The following TESK2 variants were observed in gnomAD, a reference collection of about 807,000 sequenced individuals.
TESK2 encodes dual specificity testis-specific protein kinase 2.
In TESK2, 39 loss-of-function variants were observed where a neutral mutation model predicts 57.1. The observed-to-expected ratio is 0.68, with a 90% confidence interval of 0.53 to 0.89. The LOEUF (loss-of-function observed/expected upper bound fraction) is 0.89, where lower values mean the gene tolerates loss of function less well. Ranked by LOEUF, TESK2 falls within the 40% of genes least tolerant of loss-of-function variation. TESK2 has a pLI of 0.00. For missense variants in TESK2, 646 were observed against 732.1 expected, an observed-to-expected ratio of 0.88 and a Z score of 1.36; for synonymous variants, 249 against 267.9, an observed-to-expected ratio of 0.93 and a Z score of 0.69.
At chr1:45,386,159 A>G (rs932066117) in intron 3 of TESK2, among the ~76,000 whole-genome samples, 199 bp from the exon 4 acceptor site, 4 of 152,056 alleles carry the variant, frequency 2.6e-5, no homozygotes, top group African/African-American at 9.7e-5. Flanking sequence ...ATCCTGGCCA[A>G]CATGGTGAAA....
At chr1:45,400,284 T>C (rs1375197221) in intron 3 of TESK2, among the ~76,000 whole-genome samples, 1 of 152,158 alleles carries the variant, frequency 6.6e-6, no homozygotes, top group African/African-American at 2.4e-5. Context: ...AAACAGCCAC[T>C]GGCAGCTGAA....
At chr1:45,416,645 A>G (rs1650254296) in intron 3 of TESK2, among the ~76,000 whole-genome samples, 1 of 152,114 alleles carries the variant, frequency 6.6e-6, no homozygotes, top group Non-Finnish European at 1.5e-5. Flanking sequence ...ATTATTAACT[A>G]TAGTCACCAT....
Position 45,457,555 on chromosome 1 carries a change from C to T in TESK2, c.222+9G>A, listed in dbSNP as rs895830751. 1 of 1,610,962 alleles carries T rather than the reference C, an allele frequency of 6.2e-7. No homozygotes were observed. The highest frequency in any genetic ancestry group is 1.3e-5 in the African/African-American group (1 of 74,844). On this transcript the variant is annotated intron_variant, in intron 2 of 10. Transcript: ENST00000372086. ...AAGACAATATGAGAAAAGCTGAAGACTCACTCACCTTGAACACTTCAGAAA... is the reference window on the plus strand; with the variant it reads ...AAGACAATATGAGAAAAGCTGAAGATTCACTCACCTTGAACACTTCAGAAA...
chr1:45,438,265 G>A (rs1248562983), intron 2 of TESK2, among the ~76,000 whole-genome samples: 2 of 152,160 alleles, frequency 1.3e-5, no homozygotes, highest in East Asian at 1.9e-4. Context: ...GGAGGCTGAG[G>A]CAGGTGGATC....
At chr1:45,370,959 G>T (rs1205733085) in intron 4 of TESK2, among the ~76,000 whole-genome samples, 1 of 151,938 alleles carries the variant, frequency 6.6e-6, no homozygotes, top group African/African-American at 2.4e-5. Flanking sequence ...CAATGTAATG[G>T]AATAGAGAGC....
chr1:45,464,366 A>G (rs11211116), intron 1 of TESK2, among the ~76,000 whole-genome samples: 30,853 of 151,294 alleles, frequency 0.2, 3,454 homozygotes, highest in Non-Finnish European at 0.26. Flanking sequence ...AGAGGTTGCG[A>G]TGAGCCAAGA....
intron 3 of TESK2, among the ~76,000 whole-genome samples, chr1:45,403,226 G>A (rs557739906): frequency 1.2e-4 from 16 of 135,110 alleles, no homozygotes; most frequent in South Asian, 7.0e-4. Flanking sequence ...ACAGTGAGCC[G>A]TGATGGGAAA....
rs1176452296 is a variant in TESK2, at chr1:45,457,942, T to C, written c.-86-71A>G. 5 of 609,482 alleles carry C rather than the reference T, an allele frequency of 8.2e-6. No individual in the cohort carries two copies. The East Asian group carries it at 1.4e-4, about 17-fold the overall frequency. 37.8% of individuals were successfully genotyped at this position (609,482 alleles called of 1,614,324 possible). ...TACATGTAAAGCAATAAATGCTCAA[T>C]GCAAAAATATTTCCTTTCACATTCT... is the stretch of plus-strand genomic sequence containing the variant. On this transcript the variant is annotated intron_variant, in intron 1 of 10. Transcript: ENST00000372086.
intron 1 of TESK2, among the ~76,000 whole-genome samples, chr1:45,488,724 CT>C (rs1260380001): frequency 6.6e-6 from 1 of 152,320 alleles, no homozygotes; most frequent in East Asian, 1.9e-4. Context: ...ACCAGCTCTC[CT>C]TCACAACCAA....
chr1:45,368,810 G>A (rs1259375852), intron 4 of TESK2, among the ~76,000 whole-genome samples: 3 of 151,648 alleles, frequency 2.0e-5, no homozygotes, highest in Admixed American at 1.3e-4. Flanking sequence ...GTGCAATGGC[G>A]CCATCTTGGC....
At chr1:45,463,086 A>AT (rs1438652571) in intron 1 of TESK2, among the ~76,000 whole-genome samples, 8 of 151,726 alleles carry the variant, frequency 5.3e-5, no homozygotes, top group African/African-American at 9.7e-5. Flanking sequence ...AGATTGTTAG[A>AT]TTTTTTCCTA....
chr1:45,483,991 A>G (rs112221596), intron 1 of TESK2, among the ~76,000 whole-genome samples: 67 of 132,036 alleles, frequency 5.1e-4, no homozygotes, highest in African/African-American at 1.8e-3. Flanking sequence ...ACAGCAAGAG[A>G]TTCTGTCTTA....
chr1:45,448,633 CTG>C lies in TESK2; in HGVS notation c.222+8929_222+8930del, dbSNP rs534560938. 1.8e-3 allele frequency among the ~76,000 whole-genome samples: 281 copies of C among 152,196 alleles called. 2 individuals carry two copies. Among genetic ancestry groups the C allele is most frequent in the African/African-American group, 6.5e-3 (271 of 41,514 alleles). ...AACAGCCAGATGTCACATGAACAAA[CTG>C]AGCAAGAACTCACTTATCACCGACG... On this transcript the variant is annotated intron_variant, in intron 2 of 10. Transcript: ENST00000372086.
intron 2 of TESK2, among the ~76,000 whole-genome samples, chr1:45,424,511 T>C (rs7531253): frequency 0.25 from 38,493 of 152,184 alleles, 4,989 homozygotes; most frequent in East Asian, 0.36. Flanking sequence ...TAGCTTTCCA[T>C]TTCAGATCCT....
In TESK2 at chr1:45,355,417, T is replaced by C; in HGVS notation, c.426A>G (p.Leu142=). Residue 142 remains leucine, a synonymous_variant, in exon 5 of 11, where the codon CTA becomes CTG. Transcript: ENST00000372086. ...YINSGNLEQL[L]DSNLHLPWTV... ...TCCAAGGCAAATGCAGGTTACTGTC[T>C]AGCAACTGTTCCAGGTTCCCGGAGT... is the stretch of plus-strand genomic sequence containing the variant. 1 of 1,612,618 alleles carries C rather than the reference T, an allele frequency of 6.2e-7. No individual in the cohort carries two copies. Among genetic ancestry groups the C allele is most frequent in the Non-Finnish European group, 8.5e-7 (1 of 1,179,560 alleles).
At chr1:45,420,587 A>G (rs1372465216) in intron 3 of TESK2, among the ~76,000 whole-genome samples, 6 of 119,688 alleles carry the variant, frequency 5.0e-5, no homozygotes, top group Admixed American at 1.0e-4. Flanking sequence ...TTTTTTTTTG[A>G]GACGGAGTCT....
At chr1:45,485,838 A>G (rs956490614) in intron 1 of TESK2, among the ~76,000 whole-genome samples, 1 of 152,178 alleles carries the variant, frequency 6.6e-6, no homozygotes, top group African/African-American at 2.4e-5. Context: ...TATATATTAA[A>G]AAAGTTTACA....
At chr1:45,395,324 C>T (rs1649314118) in intron 3 of TESK2, among the ~76,000 whole-genome samples, 1 of 152,264 alleles carries the variant, frequency 6.6e-6, no homozygotes, top group Middle Eastern at 3.4e-3. Flanking sequence ...GGCTACAAGC[C>T]TGTACAGCAT....
chr1:45,363,141 C>G (rs1056496102), intron 4 of TESK2, among the ~76,000 whole-genome samples: 1 of 152,188 alleles, frequency 6.6e-6, no homozygotes, highest in Non-Finnish European at 1.5e-5. Context: ...GGTCTAAATA[C>G]AAAGTCAGTC....
Sources: allele counts gnomAD v4.1 joint callset (sites outside exome capture counted in the v4.1 genomes callset), GRCh38; gene constraint gnomAD v4.1.1; transcripts MANE v1.5; gene names NCBI Gene and HGNC (gene_info 2026-07-23, HGNC 2026-07-21).